Variants in ATP8A1 observed in about 807,000 individuals in gnomAD.
The protein encoded by ATP8A1 is phospholipid-transporting ATPase IA.
In ATP8A1, 90 loss-of-function variants were observed where a neutral mutation model predicts 177.7. The observed-to-expected ratio is 0.51, with a 90% confidence interval of 0.43 to 0.60. The LOEUF (loss-of-function observed/expected upper bound fraction) is 0.60, where lower values mean the gene tolerates loss of function less well. ATP8A1 is among the 20% of genes least tolerant of loss of function. The pLI, the probability that ATP8A1 is intolerant of heterozygous loss-of-function variation, is 0.00. For synonymous variants in ATP8A1, 493 were observed against 485.9 expected, an observed-to-expected ratio of 1.01 and a Z score of -0.19; for missense variants, 1,072 against 1,392.8, an observed-to-expected ratio of 0.77 and a Z score of 3.67.
chr4:42,556,124 T>TAC, intron 15 of ATP8A1, 84 bp from the exon 16 acceptor site: 1 of 931,022 alleles, frequency 1.1e-6, no homozygotes, highest in Non-Finnish European at 1.6e-6. Context: ...ATGAGTAAAG[T>TAC]GTTATGTCTC....
At chr4:42,602,499 C>T (rs137886995) in intron 5 of ATP8A1, among the ~76,000 whole-genome samples, 1 of 152,214 alleles carries the variant, frequency 6.6e-6, no homozygotes, top group African/African-American at 2.4e-5. Flanking sequence ...AGCAGTAGCT[C>T]ACGCTTGTAA....
intron 33 of ATP8A1, among the ~76,000 whole-genome samples, chr4:42,441,740 CTTT>C (rs958776348): frequency 1.8e-4 from 28 of 152,176 alleles, no homozygotes; most frequent in Admixed American, 1.3e-4. Flanking sequence ...AAGTATTCTT[CTTT>C]TGTTTGAATA....
At chr4:42,555,218 CT>C (rs67607057) in intron 16 of ATP8A1, among the ~76,000 whole-genome samples, 50,106 of 145,564 alleles carry the variant, frequency 0.34, 9,479 homozygotes, top group Non-Finnish European at 0.4. Context: ...CTGCCCCCCC[CT>C]AGAGAACCCT....
chr4:42,455,492 TG>T lies in ATP8A1; in HGVS notation c.2694+32del. ...GAACCTTTATCTCCCAAGTATTCAA[TG>T]AAACAGGAATTATCAAATGTCCTAA... On this transcript the variant is annotated intron_variant, in intron 28 of 36. Transcript: ENST00000381668. The T allele has an allele frequency of 2.5e-6, 4 of 1,613,548 alleles. No individual in the cohort carries two copies. The South Asian group carries it at 4.4e-5, about 18-fold the overall frequency.
chr4:42,456,632 G>A lies in ATP8A1; in HGVS notation c.2620-1033C>T, dbSNP rs541259917. On this transcript the variant is annotated intron_variant, in intron 27 of 36. Coordinates refer to ENST00000381668, the MANE Select transcript of ATP8A1 (RefSeq NM_006095.2). The stretch of plus-strand genomic sequence containing the variant: ...GTACCTACGTTATTGTTTTTAAAAA[G>A]CAGACCTGAAGTATAATTAAAAATC... 3.9e-4 allele frequency among the ~76,000 whole-genome samples: 59 copies of A among 152,220 alleles called. 1 individual carries two copies. Among genetic ancestry groups the A allele is most frequent in the African/African-American group, 1.3e-3 (56 of 41,560 alleles).
intron 5 of ATP8A1, among the ~76,000 whole-genome samples, chr4:42,604,855 TAA>T (rs1392384297): frequency 6.6e-6 from 1 of 152,166 alleles, no homozygotes; most frequent in Non-Finnish European, 1.5e-5. Flanking sequence ...AAAAATAATT[TAA>T]GTGTGGATAC....
intron 24 of ATP8A1, among the ~76,000 whole-genome samples, chr4:42,490,800 C>T (rs769846248): frequency 6.6e-6 from 1 of 152,174 alleles, no homozygotes; most frequent in Non-Finnish European, 1.5e-5. Flanking sequence ...CCTGAGTCCT[C>T]CAGGTGACAT....
At chr4:42,507,457 G>A (rs1290336496) in intron 22 of ATP8A1, among the ~76,000 whole-genome samples, 2 of 151,872 alleles carry the variant, frequency 1.3e-5, no homozygotes, top group Admixed American at 1.3e-4. Context: ...CCTGGGCACG[G>A]TGGCTCACGC....
rs1216710530 is a variant in ATP8A1, at chr4:42,412,165, T to C, written c.*751A>G. ...GAGTCACATTAACACGTGTGTCCTC[T>C]AACAAATAAACACGACAAACAACAA... On this transcript the variant is annotated 3_prime_UTR_variant, in exon 37 of 37. Coordinates refer to ENST00000381668, the MANE Select transcript of ATP8A1 (RefSeq NM_006095.2). The C allele has an allele frequency of 6.6e-6, 1 of 152,176 alleles. No individual in the cohort carries two copies. Among genetic ancestry groups the C allele is most frequent in the Non-Finnish European group, 1.5e-5 (1 of 68,020 alleles). The allele number at this position is 152,176 out of a possible 1,614,324, so 9.4% of individuals were successfully genotyped here. A position where few individuals can be genotyped will look rare whatever the true frequency, so the allele number is the denominator to read the frequency against.
At chr4:42,636,142 ACAC>A (rs1560546644) in intron 1 of ATP8A1, among the ~76,000 whole-genome samples, 1 of 32,348 alleles carries the variant, frequency 3.1e-5, no homozygotes, top group African/African-American at 6.9e-5. Flanking sequence ...ACACACACAC[ACAC>A]ACACACACAC....
chr4:42,510,031 C>G (rs1452647195), intron 22 of ATP8A1, among the ~76,000 whole-genome samples: 1 of 152,132 alleles, frequency 6.6e-6, no homozygotes. Flanking sequence ...TCTTGCTCAT[C>G]TTAATGACTC....
chr4:42,514,257 G>A (rs920383991), intron 22 of ATP8A1, among the ~76,000 whole-genome samples: 1 of 152,196 alleles, frequency 6.6e-6, no homozygotes, highest in Non-Finnish European at 1.5e-5. Context: ...ACACCCAGCT[G>A]AAAGGAATCA....
In ATP8A1 at chr4:42,444,608, T is replaced by A. The variant is rs781666426; in HGVS notation, c.2985A>T (p.Lys995Asn). The A allele has an allele frequency of 3.1e-6, 5 of 1,614,030 alleles. No individual in the cohort carries two copies. In the Admixed American group the frequency reaches 8.3e-5, roughly 27 times the overall value. ...YTFVVITVCL[K>N]AGLETSYWTW... is the part of the protein sequence containing the mutation. Reference sequence around the variant, plus strand: ...TCCAATATGATGTCTCCAATCCAGCTTTCAAACACACAGTTATCACCACAA... The same window carrying A: ...TCCAATATGATGTCTCCAATCCAGCATTCAAACACACAGTTATCACCACAA... Residue 995 changes from lysine to asparagine, a missense_variant, in exon 32 of 37, where the codon AAA becomes AAT. By Grantham distance (94) the Lys-to-Asn change is moderately conservative. Transcript: ENST00000381668.
At chr4:42,601,535 AAAAAATAAAAAT>A (rs61277021) in intron 5 of ATP8A1, among the ~76,000 whole-genome samples, 25 of 149,500 alleles carry the variant, frequency 1.7e-4, no homozygotes, top group South Asian at 1.3e-3. Flanking sequence ...AATAAACACC[AAAAAATAAAAAT>A]AAAAATAAAA....
chr4:42,472,767 G>GAAAA (rs1553881607), intron 25 of ATP8A1, among the ~76,000 whole-genome samples: 5 of 145,714 alleles, frequency 3.4e-5, no homozygotes, highest in Non-Finnish European at 4.5e-5. Context: ...AAAAAAAAGA[G>GAAAA]AGAAAAAGAA....
At position 42,613,822 on chromosome 4, in the gene ATP8A1, G is replaced by A. The variant is rs1279142476; in HGVS notation, c.409+2211C>T. ...TGGGCTTGAACTCCTGACCTCTGGC[G>A]ATCCATCCGCCTCAGCCTCCCAAAG... On this transcript the variant is annotated intron_variant, in intron 5 of 36. Coordinates refer to ENST00000381668, the MANE Select transcript of ATP8A1 (RefSeq NM_006095.2). Among the ~76,000 whole-genome samples, 5 of 151,804 alleles carry A rather than the reference G, an allele frequency of 3.3e-5. No individual in the cohort carries two copies. In the South Asian group the frequency reaches 6.2e-4, roughly 19 times the overall value.
intron 25 of ATP8A1, among the ~76,000 whole-genome samples, chr4:42,475,907 C>T (rs1023142433): frequency 5.3e-5 from 8 of 151,794 alleles, no homozygotes; most frequent in African/African-American, 9.7e-5. Flanking sequence ...GGTGTGGTGG[C>T]GGGCGCCTGT....
At chr4:42,415,410 G>A (rs1425554039) in intron 35 of ATP8A1, among the ~76,000 whole-genome samples, 1 of 152,092 alleles carries the variant, frequency 6.6e-6, no homozygotes, top group Non-Finnish European at 1.5e-5. Flanking sequence ...AGATAATTAT[G>A]TAACTTCTAA....
At chr4:42,562,746 AC>A (rs1234673232) in intron 15 of ATP8A1, among the ~76,000 whole-genome samples, 1 of 152,176 alleles carries the variant, frequency 6.6e-6, no homozygotes, top group African/African-American at 2.4e-5. Context: ...TGTTCTCGTG[AC>A]AGTGAATATA....
Sources: allele counts gnomAD v4.1 joint callset (sites outside exome capture counted in the v4.1 genomes callset), GRCh38; gene constraint gnomAD v4.1.1; transcripts MANE v1.5; gene names NCBI Gene and HGNC (gene_info 2026-07-23, HGNC 2026-07-21).